ABTB3: variants seen among roughly 807,000 people sequenced by gnomAD.
ABTB3 encodes the protein ankyrin repeat and BTB domain containing 3, also known as ankyrin repeat- and BTB/POZ domain-containing protein 3.
At chr12:107,468,875 G>T in the ABTB3 span, among the ~76,000 whole-genome samples, 8,183 of 152,184 alleles carry the variant, frequency 0.054, 320 homozygotes, top group Middle Eastern at 0.082. Context: ...ACACGAGCAG[G>T]GTGGTATGAC....
At chr12:107,345,798 A>G in the ABTB3 span, among the ~76,000 whole-genome samples, 1 of 152,214 alleles carries the variant, frequency 6.6e-6, no homozygotes, top group South Asian at 2.1e-4. Context: ...GAGGTGGGAC[A>G]AAGCCTGGGA....
the ABTB3 span, among the ~76,000 whole-genome samples, chr12:107,408,864 T>G: frequency 6.6e-6 from 1 of 152,242 alleles, no homozygotes; most frequent in Non-Finnish European, 1.5e-5. Context: ...CACCAGATGC[T>G]GTGCTGGGTG....
At chr12:107,616,308 G>A in the ABTB3 span, among the ~76,000 whole-genome samples, 1 of 152,208 alleles carries the variant, frequency 6.6e-6, no homozygotes, top group Non-Finnish European at 1.5e-5. Flanking sequence ...ATCACGGAGT[G>A]CCAAGTAGGT....
At chr12:107,441,368 C>T in the ABTB3 span, among the ~76,000 whole-genome samples, 1 of 152,108 alleles carries the variant, frequency 6.6e-6, no homozygotes. Flanking sequence ...GAACAGAAAA[C>T]CAAACACTGC....
chr12:107,634,908 G>A, the ABTB3 span: 1 of 159,294 alleles, frequency 6.3e-6, no homozygotes, highest in East Asian at 1.8e-4. Flanking sequence ...CTGAAATCCT[G>A]CTAATTTCAG....
chr12:107,463,240 AGTGATGGTGATGATG>A, the ABTB3 span, among the ~76,000 whole-genome samples: 1 of 150,374 alleles, frequency 6.7e-6, no homozygotes. Context: ...TGATGGTGGT[AGTGATGGTGATGATG>A]GTGATGGTGA....
the ABTB3 span, among the ~76,000 whole-genome samples, chr12:107,469,976 CTT>C: frequency 1.3e-5 from 1 of 78,764 alleles, no homozygotes; most frequent in African/African-American, 8.2e-5. Context: ...TTCTTTCTTT[CTT>C]TCTTTCTTTC....
chr12:107,406,328 G>A, the ABTB3 span, among the ~76,000 whole-genome samples: 1 of 152,180 alleles, frequency 6.6e-6, no homozygotes, highest in African/African-American at 2.4e-5. Flanking sequence ...TATTTGGGAG[G>A]CTGAGATGGG....
At chr12:107,409,447 A>G in the ABTB3 span, among the ~76,000 whole-genome samples, 1 of 152,256 alleles carries the variant, frequency 6.6e-6, no homozygotes. Flanking sequence ...AAAGGAATAT[A>G]AAGATACATG....
At chr12:107,540,305 G>A in the ABTB3 span, among the ~76,000 whole-genome samples, 1 of 152,132 alleles carries the variant, frequency 6.6e-6, no homozygotes, top group Non-Finnish European at 1.5e-5. Flanking sequence ...TCCAGCTCCA[G>A]AAGAGAGAGA....
At chr12:107,568,671 A>T in the ABTB3 span, among the ~76,000 whole-genome samples, 1 of 152,246 alleles carries the variant, frequency 6.6e-6, no homozygotes, top group African/African-American at 2.4e-5. Flanking sequence ...TTTATTGGAC[A>T]GAAAGTTCTA....
At chr12:107,590,297 G>C in the ABTB3 span, among the ~76,000 whole-genome samples, 1 of 151,588 alleles carries the variant, frequency 6.6e-6, no homozygotes, top group African/African-American at 2.4e-5. Flanking sequence ...ACTCAGAAGA[G>C]AGGTCTTAAC....
At chr12:107,626,343 C>CTTTTTTT in the ABTB3 span, among the ~76,000 whole-genome samples, 67 of 112,510 alleles carry the variant, frequency 6.0e-4, 3 homozygotes, top group African/African-American at 2.2e-3. Context: ...CTATCGTCAT[C>CTTTTTTT]TTTTTTTTTT....
the ABTB3 span, among the ~76,000 whole-genome samples, chr12:107,427,427 G>C: frequency 6.6e-6 from 1 of 152,130 alleles, no homozygotes; most frequent in Non-Finnish European, 1.5e-5. Flanking sequence ...GACAACAGAT[G>C]TGTGCAACAT....
At chr12:107,616,786 A>T in the ABTB3 span, among the ~76,000 whole-genome samples, 1 of 152,194 alleles carries the variant, frequency 6.6e-6, no homozygotes, top group East Asian at 1.9e-4. Flanking sequence ...TCTCCTGGAG[A>T]TCTTGTTAAA....
chr12:107,369,300 T>C, the ABTB3 span, among the ~76,000 whole-genome samples: 6 of 152,204 alleles, frequency 3.9e-5, no homozygotes, highest in African/African-American at 1.4e-4. Flanking sequence ...TCCAAATTCA[T>C]TTAGTGAGCC....
chr12:107,442,085 C>A, the ABTB3 span, among the ~76,000 whole-genome samples: 144 of 152,018 alleles, frequency 9.5e-4, 1 homozygote, highest in African/African-American at 3.2e-3. Context: ...TTTTTAAACA[C>A]CCTAGGTCTA....
At chr12:107,446,961 T>TA in the ABTB3 span, among the ~76,000 whole-genome samples, 3 of 152,204 alleles carry the variant, frequency 2.0e-5, no homozygotes, top group African/African-American at 7.2e-5. Flanking sequence ...GGTGGGATTT[T>TA]AAAAAGGATA....
At chr12:107,334,660 T>C in the ABTB3 span, among the ~76,000 whole-genome samples, 2 of 151,774 alleles carry the variant, frequency 1.3e-5, no homozygotes, top group Non-Finnish European at 1.5e-5. Flanking sequence ...AGATAAAAAT[T>C]TGGGAGTTGA....
Sources: allele counts gnomAD v4.1 joint callset (sites outside exome capture counted in the v4.1 genomes callset), GRCh38; gene constraint gnomAD v4.1.1; transcripts MANE v1.5; gene names NCBI Gene and HGNC (gene_info 2026-07-23, HGNC 2026-07-21).